The following GALNTL6 variants were observed in gnomAD, a reference collection of about 807,000 sequenced individuals.
GALNTL6 encodes polypeptide N-acetylgalactosaminyltransferase like 6.
GALNTL6 carries 46 observed loss-of-function variants against 73.7 expected under a neutral mutation model. The ratio of observed to expected loss-of-function variants is 0.62; its 90% CI spans 0.49 to 0.80. GALNTL6 has a LOEUF of 0.80. GALNTL6 is among the 30% of genes least tolerant of loss of function. GALNTL6 has a pLI of 0.00. For synonymous variants in GALNTL6, 259 were observed against 263.7 expected (o/e 0.98, Z 0.17); for missense variants, 604 against 755.0 (o/e 0.80, Z 2.34).
chr4:172,610,090 T>C (rs1450922454), intron 5 of GALNTL6, among the ~76,000 whole-genome samples: 1 of 152,044 alleles, frequency 6.6e-6, no homozygotes, highest in Non-Finnish European at 1.5e-5. Context: ...TCTCTTTCCT[T>C]CTTCATTAGT....
intron 5 of GALNTL6, among the ~76,000 whole-genome samples, chr4:172,372,503 G>A (rs374496062): frequency 2.8e-4 from 42 of 152,232 alleles, no homozygotes; most frequent in African/African-American, 6.3e-4. Context: ...ACAACTACCC[G>A]TAAAACAGTG....
At chr4:172,456,679 C>T (rs1732411251) in intron 5 of GALNTL6, among the ~76,000 whole-genome samples, 1 of 151,610 alleles carries the variant, frequency 6.6e-6, no homozygotes, top group Non-Finnish European at 1.5e-5. Flanking sequence ...ACAAACAAAG[C>T]CTCCAAGAAA....
chr4:172,060,672 T>A (rs1731172302), intron 2 of GALNTL6, among the ~76,000 whole-genome samples: 1 of 151,996 alleles, frequency 6.6e-6, no homozygotes, highest in African/African-American at 2.4e-5. Context: ...AATTATAGAG[T>A]TGAGGTAGTT....
intron 2 of GALNTL6, among the ~76,000 whole-genome samples, chr4:172,086,622 C>T (rs985941656): frequency 1.3e-5 from 2 of 152,020 alleles, no homozygotes; most frequent in African/African-American, 4.8e-5. Context: ...CAATAGTAAC[C>T]CACAGAAGTA....
At chr4:172,106,144 C>T (rs1432284065) in intron 2 of GALNTL6, among the ~76,000 whole-genome samples, 1 of 152,098 alleles carries the variant, frequency 6.6e-6, no homozygotes, top group Non-Finnish European at 1.5e-5. Flanking sequence ...CAGAGAGTGG[C>T]TTAGATAAGC....
intron 5 of GALNTL6, among the ~76,000 whole-genome samples, chr4:172,657,464 T>C (rs1239613283): frequency 6.6e-6 from 1 of 152,212 alleles, no homozygotes; most frequent in Non-Finnish European, 1.5e-5. Flanking sequence ...TCTTTGTGAG[T>C]TTGTTTTTTA....
chr4:172,745,841 G>A (rs1005874692), intron 5 of GALNTL6, among the ~76,000 whole-genome samples: 12 of 152,056 alleles, frequency 7.9e-5, no homozygotes, highest in East Asian at 1.9e-4. Flanking sequence ...CAACTTAGGC[G>A]AGGGAGCTGT....
chr4:172,986,454 G>A (rs925176514), intron 10 of GALNTL6, among the ~76,000 whole-genome samples: 5 of 152,204 alleles, frequency 3.3e-5, no homozygotes, highest in Admixed American at 6.5e-5. Context: ...AACCCTGGGG[G>A]ATTCAGGCAA....
intron 2 of GALNTL6, among the ~76,000 whole-genome samples, chr4:172,123,882 T>C (rs565239908): frequency 6.6e-6 from 1 of 152,332 alleles, no homozygotes; most frequent in East Asian, 1.9e-4. Context: ...GTTTCTCAAA[T>C]TGGTCAGGTT....
chr4:172,179,341 T>C (rs986016361), intron 2 of GALNTL6, among the ~76,000 whole-genome samples: 27 of 149,052 alleles, frequency 1.8e-4, no homozygotes, highest in African/African-American at 6.3e-4. Context: ...TTTTAATGAT[T>C]GCCATTCTAA....
intron 2 of GALNTL6, among the ~76,000 whole-genome samples, chr4:171,826,384 T>A (rs958223679): frequency 2.0e-4 from 30 of 152,184 alleles, no homozygotes; most frequent in Non-Finnish European, 3.5e-4. Context: ...ATGGAACCTC[T>A]ATCCAGACTA....
In GALNTL6 at chr4:171,914,497, C is replaced by A. The variant is rs1482173016; in HGVS notation, c.138+99779C>A. 2.4e-5 allele frequency among the ~76,000 whole-genome samples: 3 copies of A among 124,638 alleles called. No homozygotes were observed. In the Admixed American group the frequency reaches 3.0e-4, roughly 12 times the overall value. 81.8% of individuals were successfully genotyped at this position (124,638 alleles called of 152,430 possible). A position where few individuals can be genotyped will look rare whatever the true frequency, so the allele number is the denominator to read the frequency against. ...CCAGGCTGGAGTGCAGTGGTGTGAT[C>A]TCGGCTCACTGCAACCTCCACCTCA... On this transcript the variant is annotated intron_variant, in intron 2 of 12. Coordinates refer to ENST00000506823, the MANE Select transcript of GALNTL6 (RefSeq NM_001034845.3).
chr4:172,571,786 T>C (rs762920951), intron 5 of GALNTL6, among the ~76,000 whole-genome samples: 1 of 152,234 alleles, frequency 6.6e-6, no homozygotes, highest in Non-Finnish European at 1.5e-5. Context: ...GGCAGTTCTC[T>C]ATGGTTTCTA....
intron 5 of GALNTL6, among the ~76,000 whole-genome samples, chr4:172,422,872 A>C (rs1731099963): frequency 6.6e-6 from 1 of 151,286 alleles, no homozygotes; most frequent in South Asian, 2.1e-4. Context: ...TCTATTGTAC[A>C]TTCCACACTT....
intron 2 of GALNTL6, among the ~76,000 whole-genome samples, chr4:171,941,724 C>T (rs1436051865): frequency 4.6e-5 from 7 of 151,994 alleles, no homozygotes; most frequent in Non-Finnish European, 7.4e-5. Flanking sequence ...GTTCTTCACT[C>T]TCTTGAAAGA....
chr4:172,218,279 T>C (rs1223088473), intron 2 of GALNTL6, among the ~76,000 whole-genome samples: 1 of 152,130 alleles, frequency 6.6e-6, no homozygotes, highest in Non-Finnish European at 1.5e-5. Context: ...AGTCTTTTTC[T>C]CTTGACAGTA....
chr4:171,999,820 T>C (rs1277076426), intron 2 of GALNTL6, among the ~76,000 whole-genome samples: 1 of 152,182 alleles, frequency 6.6e-6, no homozygotes, highest in African/African-American at 2.4e-5. Context: ...CAAATATTTT[T>C]GTACTTTGAA....
intron 2 of GALNTL6, among the ~76,000 whole-genome samples, chr4:171,991,811 T>C (rs1740346514): frequency 6.7e-6 from 1 of 149,856 alleles, no homozygotes; most frequent in Non-Finnish European, 1.5e-5. Context: ...GAGCAAAATT[T>C]GCTACTATGG....
chr4:172,270,756 A>AGATAGATAGATAGATAGATAGAT (rs1738617679), intron 3 of GALNTL6, among the ~76,000 whole-genome samples: 1 of 152,028 alleles, frequency 6.6e-6, no homozygotes, highest in Admixed American at 6.6e-5. Flanking sequence ...GATAGATGAT[A>AGATAGATAGATAGATAGATAGAT]GATAGTAGAT....
Sources: gnomAD v4.1 joint callset for allele counts (sites outside exome capture counted in the v4.1 genomes callset) on GRCh38, gnomAD v4.1.1 for gene constraint, MANE v1.5 for transcripts, NCBI Gene and HGNC (gene_info 2026-07-23, HGNC 2026-07-21) for gene names.